The following LRRN1 variants were observed in gnomAD, a reference collection of about 807,000 sequenced individuals.
LRRN1 encodes the protein leucine-rich repeat neuronal protein 1.
A neutral mutation model predicts 45.8 loss-of-function variants in LRRN1; 14 were observed. The observed-to-expected ratio is 0.31, with a 90% CI of 0.20 to 0.48. The LOEUF (loss-of-function observed/expected upper bound fraction) is 0.48, where lower values mean the gene tolerates loss of function less well. Among genes scored for constraint, LRRN1 ranks in the 20% least tolerant of loss-of-function variants. The pLI is 0.99. For missense variants in LRRN1, 789 were observed against 874.2 expected (o/e 0.90, Z 1.23); for synonymous variants, 359 against 330.1 (o/e 1.09, Z -0.95).
intron 1 of LRRN1, among the ~76,000 whole-genome samples, chr3:3,831,821 C>CA (rs1282776190): frequency 0.47 from 14 of 30 alleles, 7 homozygotes; most frequent in African/African-American, 0.54. Flanking sequence ...GACTCCGTCT[C>CA]AAAAAAAAAA....
rs1258106747 is a variant in LRRN1 at position 3,847,251 on chromosome 3, T to C, written c.*459T>C. On this transcript the variant is annotated 3_prime_UTR_variant, in exon 2 of 2. Coordinates refer to ENST00000319331, the MANE Select transcript of LRRN1 (RefSeq NM_020873.7). Reference sequence around the variant, plus strand: ...TTGAAACTTTTGTAGCAATCTGGTCTATAGACTTTTAACTCAAGAAGCTAA... The same window carrying C: ...TTGAAACTTTTGTAGCAATCTGGTCCATAGACTTTTAACTCAAGAAGCTAA... 1.2e-5 allele frequency: 2 copies of C among 167,952 alleles called. No individual in the cohort carries two copies. Among genetic ancestry groups the C allele is most frequent in the African/African-American group, 4.8e-5 (2 of 41,472 alleles). 10.4% of individuals were successfully genotyped at this position (167,952 alleles called of 1,614,324 possible).
rs565870484 is a variant in LRRN1, at chr3:3,838,416, C to G, written c.-278-5948C>G. ...TCTAATTAAACCACATTTTCCTTAT[C>G]CATTCATTTGTCAATGGACATTTGG... is the stretch of plus-strand genomic sequence containing the variant. On this transcript the variant is annotated intron_variant, in intron 1 of 1. Coordinates refer to ENST00000319331, the MANE Select transcript of LRRN1 (RefSeq NM_020873.7). Among the ~76,000 whole-genome samples the G allele has an allele frequency of 1.4e-4, 21 of 152,240 alleles. No individual in the cohort carries two copies. The South Asian group carries it at 4.4e-3, about 32-fold the overall frequency.
At chr3:3,809,424 G>A (rs1057078691) in intron 1 of LRRN1, among the ~76,000 whole-genome samples, 5 of 152,188 alleles carry the variant, frequency 3.3e-5, no homozygotes, top group African/African-American at 7.2e-5. Context: ...GATTACAGGC[G>A]TGAGCCACTG....
At chr3:3,827,548 C>A (rs1363149775) in intron 1 of LRRN1, 1 of 455,160 alleles carries the variant, frequency 2.2e-6, no homozygotes, top group East Asian at 7.0e-5. Context: ...AACAAAAATC[C>A]CATTTCCCCA....
intron 1 of LRRN1, among the ~76,000 whole-genome samples, chr3:3,808,432 A>G (rs1160340146): frequency 1.3e-5 from 2 of 152,228 alleles, no homozygotes; most frequent in African/African-American, 2.4e-5. Flanking sequence ...ACTAGTGTGT[A>G]TGTAATAAAT....
At chr3:3,815,639 G>C (rs1692972059) in intron 1 of LRRN1, among the ~76,000 whole-genome samples, 1 of 152,114 alleles carries the variant, frequency 6.6e-6, no homozygotes, top group South Asian at 2.1e-4. Flanking sequence ...ACTTAATGTT[G>C]CTTAATTCTC....
rs1158891296 is a variant in LRRN1, at chr3:3,816,023, TATC to T, written c.-279+16107_-279+16109del. Among the ~76,000 whole-genome samples, 4 of 152,210 alleles carry T rather than the reference TATC, an allele frequency of 2.6e-5. No individual in the cohort carries two copies. The highest frequency in any genetic ancestry group is 9.6e-5 in the African/African-American group (4 of 41,462). Reference sequence around the variant, plus strand: ...GGAGGTAAGCCAATAAAGATGATCTTATCATAGCATTGGATTCTTTTGTATTTT... The same window carrying T: ...GGAGGTAAGCCAATAAAGATGATCTTATAGCATTGGATTCTTTTGTATTTT... On this transcript the variant is annotated intron_variant, in intron 1 of 1. Transcript: ENST00000319331. The surrounding 1 kb of genome is among the most constrained non-coding windows in gnomAD (Gnocchi z 4.0).
chr3:3,839,177 G>A (rs1693590995), intron 1 of LRRN1, among the ~76,000 whole-genome samples: 1 of 152,056 alleles, frequency 6.6e-6, no homozygotes, highest in Non-Finnish European at 1.5e-5. Flanking sequence ...GTTAATTTTT[G>A]TATATGGCAT....
intron 1 of LRRN1, among the ~76,000 whole-genome samples, chr3:3,811,817 T>TG (rs1232759258): frequency 4.6e-5 from 7 of 152,150 alleles, no homozygotes; most frequent in Non-Finnish European, 1.0e-4. Flanking sequence ...CCAGACTCAT[T>TG]GGGGAGGTAG....
intron 1 of LRRN1, among the ~76,000 whole-genome samples, chr3:3,826,624 T>C (rs1693221399): frequency 6.6e-6 from 1 of 152,098 alleles, no homozygotes; most frequent in Non-Finnish European, 1.5e-5. Context: ...ACGGAGACTA[T>C]TATAGCTCTT....
At chr3:3,812,812 TAAA>T (rs34881587) in intron 1 of LRRN1, among the ~76,000 whole-genome samples, 22 of 121,488 alleles carry the variant, frequency 1.8e-4, no homozygotes, top group East Asian at 2.4e-4. Context: ...ATCTTGGTTG[TAAA>T]AAAAAAAAAA....
chr3:3,818,427 C>T lies in LRRN1; in HGVS notation c.-279+18508C>T, dbSNP rs140856428. Among the ~76,000 whole-genome samples, 20 of 152,254 alleles carry T rather than the reference C, an allele frequency of 1.3e-4. No homozygotes were observed. In the East Asian group the frequency reaches 3.5e-3, roughly 26 times the overall value. On this transcript the variant is annotated intron_variant, in intron 1 of 1. Transcript: ENST00000319331. ...GTTGATGTTTTGTTCTGTGCTGGGC[C>T]TTCTGTCAGTTTCTCAATTCAATAA...
intron 1 of LRRN1, chr3:3,827,208 G>A (rs2106461722): frequency 4.5e-6 from 1 of 222,544 alleles, no homozygotes; most frequent in South Asian, 6.7e-5. Flanking sequence ...TTCTTAAAGA[G>A]GAAACTGAGA....
chr3:3,830,015 C>A (rs1693330961), intron 1 of LRRN1, among the ~76,000 whole-genome samples: 1 of 152,162 alleles, frequency 6.6e-6, no homozygotes, highest in African/African-American at 2.4e-5. Flanking sequence ...CCAGGTCAGC[C>A]TTGGTGAGCA....
chr3:3,839,574 T>C (rs933524023), intron 1 of LRRN1, among the ~76,000 whole-genome samples: 3 of 152,176 alleles, frequency 2.0e-5, no homozygotes, highest in Admixed American at 2.0e-4. Flanking sequence ...TTGGGTGTTA[T>C]AGACAGTATG....
chr3:3,843,089 A>G (rs1028980794), intron 1 of LRRN1, among the ~76,000 whole-genome samples: 9 of 152,234 alleles, frequency 5.9e-5, no homozygotes, highest in African/African-American at 2.2e-4. Flanking sequence ...GTGAGCATAT[A>G]ATGTGAGTCA....
In LRRN1 at chr3:3,846,047, T is replaced by A; in HGVS notation, c.1406T>A (p.Val469Glu). ...ACTCCCATTGGAAATAAGATAACTG[T>A]GGAAACCCTTTCAGATAAATACAAG... ...WVTPIGNKIT[V>E]ETLSDKYKLS... Residue 469 changes from valine to glutamate, a missense_variant, in exon 2 of 2, where the codon GTG becomes GAG. By Grantham distance (121) the Val-to-Glu change is moderately radical (BLOSUM62 -2). Transcript: ENST00000319331. This position sits in a 1 kb window ranked among gnomAD's most constrained non-coding sequence, Gnocchi z 5.7. 2 of 1,614,124 alleles carry A rather than the reference T, an allele frequency of 1.2e-6. No homozygotes were observed. The highest frequency in any genetic ancestry group is 1.7e-6 in the Non-Finnish European group (2 of 1,179,998).
chr3:3,802,403 C>G (rs562129624), intron 1 of LRRN1, among the ~76,000 whole-genome samples: 1 of 152,258 alleles, frequency 6.6e-6, no homozygotes, highest in Non-Finnish European at 1.5e-5. Context: ...CACGGAACAG[C>G]ATTTGCCCCA....
chr3:3,835,615 A>G (rs1693493712), intron 1 of LRRN1, among the ~76,000 whole-genome samples: 1 of 150,964 alleles, frequency 6.6e-6, no homozygotes, highest in South Asian at 2.1e-4. Flanking sequence ...CAGTAACAGA[A>G]ATACAAATAA....
Sources: gnomAD v4.1 joint callset for allele counts (sites outside exome capture counted in the v4.1 genomes callset) on GRCh38, gnomAD v4.1.1 for gene constraint, Gnocchi (gnomAD v3.1) non-coding constraint, MANE v1.5 for transcripts, NCBI Gene and HGNC (gene_info 2026-07-23, HGNC 2026-07-21) for gene names.